Variants in CADM2 observed in about 807,000 individuals in gnomAD.
CADM2 encodes the protein immunoglobulin superfamily member 4D.
A neutral mutation model predicts 49.8 loss-of-function variants in CADM2; 12 were observed. The ratio of observed to expected loss-of-function variants is 0.24; its 90% CI spans 0.15 to 0.39. The LOEUF is 0.39. Among genes scored for constraint, CADM2 ranks in the 10% least tolerant of loss-of-function variants. CADM2 has a pLI of 1.00. For missense variants in CADM2, 378 were observed against 492.3 expected, an observed-to-expected ratio of 0.77 and a Z score of 2.20; for synonymous variants, 214 against 175.4, an observed-to-expected ratio of 1.22 and a Z score of -1.74.
chr3:85,689,106 T>C (rs892229859), intron 1 of CADM2, among the ~76,000 whole-genome samples: 18 of 152,184 alleles, frequency 1.2e-4, no homozygotes, highest in African/African-American at 4.1e-4. Flanking sequence ...AAACTATCAA[T>C]AGATGCAAAA....
intron 7 of CADM2, among the ~76,000 whole-genome samples, chr3:85,958,449 A>G (rs942868422): frequency 6.6e-6 from 1 of 151,988 alleles, no homozygotes; most frequent in Admixed American, 6.6e-5. Context: ...ATTACTGGAT[A>G]TATACATAAA....
intron 6 of CADM2, among the ~76,000 whole-genome samples, chr3:85,914,307 G>A (rs1718002686): frequency 6.6e-6 from 1 of 152,078 alleles, no homozygotes; most frequent in Admixed American, 6.6e-5. Context: ...TTATAAAGTA[G>A]AGGAGTCATT....
chr3:85,147,463 A>G (rs2039784587), intron 1 of CADM2, among the ~76,000 whole-genome samples: 1 of 151,978 alleles, frequency 6.6e-6, no homozygotes, highest in South Asian at 2.1e-4. Flanking sequence ...TAATCAAATA[A>G]TATATGTGAT....
rs1164565091 is a variant in CADM2 at position 86,035,531 on chromosome 3, T to C, written c.971-30074T>C. ...CAAATGTTTTAAATAAGAACGCATA[T>C]ATAGTATACTTTGCACAGTGTTTGA... On this transcript the variant is annotated intron_variant, in intron 8 of 9. Transcript: ENST00000383699. 4.6e-5 allele frequency among the ~76,000 whole-genome samples: 7 copies of C among 152,074 alleles called. No individual in the cohort carries two copies. The South Asian group carries it at 1.0e-3, about 22-fold the overall frequency.
intron 1 of CADM2, among the ~76,000 whole-genome samples, chr3:85,234,325 A>G (rs1021302270): frequency 2.0e-5 from 3 of 152,270 alleles, no homozygotes; most frequent in African/African-American, 7.2e-5. Context: ...ACAGCATAAT[A>G]TAGTATAGAT....
At chr3:85,696,779 A>G (rs906776416) in intron 1 of CADM2, among the ~76,000 whole-genome samples, 1 of 151,956 alleles carries the variant, frequency 6.6e-6, no homozygotes, top group African/African-American at 2.4e-5. Flanking sequence ...ATTATAGATA[A>G]GAATTACAAC....
chr3:85,300,014 A>C (rs973509703), intron 1 of CADM2, among the ~76,000 whole-genome samples: 19 of 152,124 alleles, frequency 1.2e-4, no homozygotes, highest in African/African-American at 4.6e-4. Context: ...TTTTCTAAAA[A>C]TTGTTATTAT....
intron 1 of CADM2, among the ~76,000 whole-genome samples, chr3:84,970,019 A>C (rs1575941357): frequency 6.9e-6 from 1 of 144,102 alleles, no homozygotes. Flanking sequence ...ACCTTGATCC[A>C]CCAGATTATG....
At chr3:85,651,814 G>GT (rs1459115067) in intron 1 of CADM2, among the ~76,000 whole-genome samples, 2 of 145,618 alleles carry the variant, frequency 1.4e-5, no homozygotes, top group Non-Finnish European at 3.0e-5. Flanking sequence ...ACTTAATTTT[G>GT]TTTTTTTCTT....
chr3:85,741,701 A>G (rs1398216778), intron 2 of CADM2, among the ~76,000 whole-genome samples: 7 of 152,214 alleles, frequency 4.6e-5, no homozygotes, highest in Non-Finnish European at 8.8e-5. Context: ...GGAAAATTCC[A>G]TATCTGTTCC....
At chr3:86,037,441 G>C (rs549861175) in intron 8 of CADM2, among the ~76,000 whole-genome samples, 1 of 149,470 alleles carries the variant, frequency 6.7e-6, no homozygotes, top group Non-Finnish European at 1.5e-5. Flanking sequence ...CTTTAAGAGA[G>C]GGGGGCAGGG....
chr3:85,513,427 C>A (rs1688124208), intron 1 of CADM2, among the ~76,000 whole-genome samples: 1 of 151,552 alleles, frequency 6.6e-6, no homozygotes, highest in South Asian at 2.1e-4. Context: ...TAATAATTTA[C>A]TTTTTTTTGA....
At chr3:86,052,485 G>A (rs1737463080) in intron 8 of CADM2, among the ~76,000 whole-genome samples, 1 of 151,956 alleles carries the variant, frequency 6.6e-6, no homozygotes, top group South Asian at 2.1e-4. Context: ...TCTTTTCATT[G>A]GTATGTTTGG....
At chr3:85,367,964 A>T (rs1252544497) in intron 1 of CADM2, among the ~76,000 whole-genome samples, 1 of 152,082 alleles carries the variant, frequency 6.6e-6, no homozygotes, top group Non-Finnish European at 1.5e-5. Flanking sequence ...AAGAATTGGA[A>T]TAGTATATTC....
chr3:85,412,129 C>T (rs2035683783), intron 1 of CADM2, among the ~76,000 whole-genome samples: 1 of 152,022 alleles, frequency 6.6e-6, no homozygotes, highest in Non-Finnish European at 1.5e-5. Flanking sequence ...CATGCCGGGC[C>T]CACATCATAA....
At chr3:85,438,057 G>T (rs556341567) in intron 1 of CADM2, among the ~76,000 whole-genome samples, 4 of 151,838 alleles carry the variant, frequency 2.6e-5, no homozygotes, top group Non-Finnish European at 5.9e-5. Context: ...ATTGCTTTCA[G>T]TACTTTCTCA....
intron 8 of CADM2, among the ~76,000 whole-genome samples, chr3:85,971,248 C>A (rs1198844353): frequency 6.6e-6 from 1 of 151,504 alleles, no homozygotes; most frequent in African/African-American, 2.4e-5. Flanking sequence ...ACGTCATGTG[C>A]AAACGTTTTT....
chr3:86,049,550 C>A (rs932914005), intron 8 of CADM2, among the ~76,000 whole-genome samples: 2 of 152,056 alleles, frequency 1.3e-5, no homozygotes, highest in Non-Finnish European at 2.9e-5. Flanking sequence ...CGTGAGCCAC[C>A]GTGCCTGGCC....
intron 1 of CADM2, among the ~76,000 whole-genome samples, chr3:85,654,100 G>T (rs541509699): frequency 6.6e-6 from 1 of 152,334 alleles, no homozygotes; most frequent in South Asian, 2.1e-4. Flanking sequence ...AAGAGAATGG[G>T]AGTGGATAAA....
Sources: gnomAD v4.1 joint callset for allele counts (sites outside exome capture counted in the v4.1 genomes callset) on GRCh38, gnomAD v4.1.1 for gene constraint, MANE v1.5 for transcripts, NCBI Gene and HGNC (gene_info 2026-07-23, HGNC 2026-07-21) for gene names.